Variants in ADAMTSL1 observed in about 807,000 individuals in gnomAD.
The protein encoded by ADAMTSL1 is ADAMTS-like protein 1.
ADAMTSL1 carries 126 observed loss-of-function variants against 201.8 expected under a neutral mutation model. That is an observed-to-expected ratio of 0.62 (90% CI 0.54 to 0.72). The LOEUF is 0.72. Among genes scored for constraint, ADAMTSL1 ranks in the 30% least tolerant of loss-of-function variants. The probability of loss-of-function intolerance (pLI) is 0.00; values close to 1 mark genes in which losing one functional copy is unlikely to be tolerated. For missense variants in ADAMTSL1, 2,679 were observed against 2,277.8 expected (o/e 1.18, Z -3.59); for synonymous variants, 1,121 against 903.4 (o/e 1.24, Z -4.32).
intron 2 of ADAMTSL1, among the ~76,000 whole-genome samples, chr9:18,180,108 A>C (rs1185045320): frequency 2.6e-5 from 4 of 152,208 alleles, no homozygotes; most frequent in Non-Finnish European, 5.9e-5. Context: ...AAGACCCATC[A>C]CTGTGCTGTA....
intron 2 of ADAMTSL1, among the ~76,000 whole-genome samples, chr9:18,211,966 T>G (rs1194889913): frequency 6.6e-6 from 1 of 152,178 alleles, no homozygotes; most frequent in Non-Finnish European, 1.5e-5. Context: ...GAAGTGCATT[T>G]TGATTTTGAC....
At chr9:18,445,622 C>A (rs998989342) in intron 2 of ADAMTSL1, among the ~76,000 whole-genome samples, 1 of 151,884 alleles carries the variant, frequency 6.6e-6, no homozygotes, top group African/African-American at 2.4e-5. Flanking sequence ...CAAATGTACA[C>A]CAAAAAAGAA....
At chr9:17,956,782 T>C (rs1449678260) in intron 1 of ADAMTSL1, among the ~76,000 whole-genome samples, 4 of 152,200 alleles carry the variant, frequency 2.6e-5, no homozygotes, top group African/African-American at 9.6e-5. Context: ...CTGACTCAGA[T>C]GTATAAGAAG....
intron 2 of ADAMTSL1, among the ~76,000 whole-genome samples, chr9:18,423,222 A>G (rs1311895593): frequency 6.6e-6 from 1 of 152,242 alleles, no homozygotes; most frequent in African/African-American, 2.4e-5. Flanking sequence ...TGGACAATTT[A>G]AACTGGATTT....
chr9:18,674,583 A>G (rs1462012520), intron 9 of ADAMTSL1, among the ~76,000 whole-genome samples: 1 of 152,088 alleles, frequency 6.6e-6, no homozygotes, highest in Non-Finnish European at 1.5e-5. Flanking sequence ...GCCATATTTT[A>G]TAAACCTACT....
intron 1 of ADAMTSL1, among the ~76,000 whole-genome samples, chr9:17,985,762 A>T (rs1217807436): frequency 3.9e-5 from 6 of 152,180 alleles, no homozygotes; most frequent in African/African-American, 1.4e-4. Context: ...TGAGCAAAAT[A>T]AGATTCATGG....
chr9:18,356,174 A>G (rs1003612012), intron 2 of ADAMTSL1, among the ~76,000 whole-genome samples: 1 of 152,222 alleles, frequency 6.6e-6, no homozygotes, highest in Admixed American at 6.5e-5. Flanking sequence ...AGGCAGGAAC[A>G]TCCCCTCAAT....
At chr9:18,612,235 T>C (rs1210193816) in intron 4 of ADAMTSL1, among the ~76,000 whole-genome samples, 2 of 152,206 alleles carry the variant, frequency 1.3e-5, no homozygotes, top group Admixed American at 6.5e-5. Flanking sequence ...AATTAAACTC[T>C]CAGATTACAG....
At chr9:18,321,755 A>G (rs1471351749) in intron 2 of ADAMTSL1, among the ~76,000 whole-genome samples, 2 of 152,120 alleles carry the variant, frequency 1.3e-5, no homozygotes, top group Non-Finnish European at 2.9e-5. Flanking sequence ...ATCACACCAC[A>G]GCACTCCAGT....
chr9:18,829,384 C>T (rs779569703), intron 22 of ADAMTSL1, among the ~76,000 whole-genome samples: 5 of 152,122 alleles, frequency 3.3e-5, no homozygotes, highest in African/African-American at 7.2e-5. Context: ...AAGAAATTCC[C>T]GTGGTGTTTA....
At chr9:18,383,442 A>G (rs931922810) in intron 2 of ADAMTSL1, among the ~76,000 whole-genome samples, 3 of 152,132 alleles carry the variant, frequency 2.0e-5, no homozygotes, top group Non-Finnish European at 2.9e-5. Flanking sequence ...TTCTCTGATC[A>G]TGGGGTCATC....
chr9:17,931,191 G>A lies in ADAMTSL1; in HGVS notation c.87+24269G>A, dbSNP rs118021989. Among the ~76,000 whole-genome samples the A allele has an allele frequency of 9.9e-5, 15 of 152,276 alleles. No homozygotes were observed. In the East Asian group the frequency reaches 2.7e-3, roughly 27 times the overall value. ...ATACTGCACTTTTATCTGAGCCAAA[G>A]CTTACCTGGCCATCCTTCAGATTTG... On this transcript the variant is annotated intron_variant, in intron 1 of 29. Transcript: ENST00000680146.
At chr9:18,027,157 G>A (rs12554316) in intron 1 of ADAMTSL1, among the ~76,000 whole-genome samples, 1 of 150,158 alleles carries the variant, frequency 6.7e-6, no homozygotes, top group African/African-American at 2.4e-5. Flanking sequence ...TCCTTTCATA[G>A]AACAAACTTT....
At chr9:18,178,509 C>T (rs1453690128) in intron 2 of ADAMTSL1, among the ~76,000 whole-genome samples, 1 of 151,358 alleles carries the variant, frequency 6.6e-6, no homozygotes, top group African/African-American at 2.4e-5. Context: ...GAAGCTCGAA[C>T]TGGGTGGAGC....
chr9:18,473,297 A>G (rs904889617), upstream of ADAMTSL1, among the ~76,000 whole-genome samples: 7 of 152,192 alleles, frequency 4.6e-5, no homozygotes, highest in African/African-American at 1.4e-4. Context: ...GATAGTTGAG[A>G]GTTGGCAGTG....
At position 18,558,550 on chromosome 9, in the gene ADAMTSL1, G is replaced by T. The variant is rs568213373; in HGVS notation, c.238-15480G>T. ...AGTAATGGGATTGCTGGGTCAGATG[G>T]TATTTCTGGTTCTAGATCCCTGAGG... is the stretch of plus-strand genomic sequence containing the variant. On this transcript the variant is annotated intron_variant, in intron 3 of 28. Coordinates refer to ENST00000380548, the MANE Select transcript of ADAMTSL1 (RefSeq NM_001040272.6). 9.9e-5 allele frequency among the ~76,000 whole-genome samples: 15 copies of T among 152,240 alleles called. No homozygotes were observed. The South Asian group carries it at 3.1e-3, about 32-fold the overall frequency.
intron 2 of ADAMTSL1, among the ~76,000 whole-genome samples, chr9:18,269,246 A>G (rs140642231): frequency 1.4e-3 from 218 of 152,280 alleles, no homozygotes; most frequent in African/African-American, 4.9e-3. Context: ...CTCCAGCTAT[A>G]CAGTAAACTC....
intron 3 of ADAMTSL1, among the ~76,000 whole-genome samples, chr9:18,544,660 A>G (rs941885799): frequency 6.6e-5 from 10 of 152,214 alleles, no homozygotes; most frequent in Admixed American, 2.6e-4. Context: ...CTGACTGACA[A>G]GCAATCACCT....
At chr9:18,010,802 C>G (rs999504067) in intron 1 of ADAMTSL1, among the ~76,000 whole-genome samples, 1 of 151,902 alleles carries the variant, frequency 6.6e-6, no homozygotes, top group African/African-American at 2.4e-5. Flanking sequence ...TGCAATGTAG[C>G]CAGATTCTTC....
Sources: allele counts gnomAD v4.1 joint callset (sites outside exome capture counted in the v4.1 genomes callset), GRCh38; gene constraint gnomAD v4.1.1; transcripts MANE v1.5; gene names NCBI Gene and HGNC (gene_info 2026-07-23, HGNC 2026-07-21).